Variants in EPHA3 observed in about 807,000 individuals in gnomAD.
The protein encoded by EPHA3 is EPH receptor A3.
Under a neutral mutation model 107.1 loss-of-function variants are expected in EPHA3, and 42 were observed. That is an observed-to-expected ratio of 0.39 (90% confidence interval 0.31 to 0.51). The LOEUF (loss-of-function observed/expected upper bound fraction) is 0.51, where lower values mean the gene tolerates loss of function less well. Among genes scored for constraint, EPHA3 ranks in the 20% least tolerant of loss-of-function variants. The pLI is 0.78. For synonymous variants in EPHA3, 461 were observed against 424.8 expected (o/e 1.09, Z -1.05); for missense variants, 1,183 against 1,211.2 (o/e 0.98, Z 0.35).
chr3:89,384,524 G>A (rs933421266), intron 5 of EPHA3, among the ~76,000 whole-genome samples: 2 of 152,042 alleles, frequency 1.3e-5, no homozygotes, highest in Admixed American at 6.5e-5. Context: ...TTTCTAAAAC[G>A]TTTAGGCTCT....
intron 5 of EPHA3, among the ~76,000 whole-genome samples, chr3:89,365,094 A>C (rs1708162483): frequency 6.6e-6 from 1 of 151,002 alleles, no homozygotes; most frequent in Admixed American, 6.6e-5. Flanking sequence ...TAGTTTGTGC[A>C]AAGAAAACAC....
chr3:89,107,836 G>A lies in EPHA3; in HGVS notation c.88G>A (p.Val30Ile). ...GELIPQPSNEVNLLDSKTIQG... is the reference protein window; with the variant it reads ...GELIPQPSNEINLLDSKTIQG... The stretch of plus-strand genomic sequence containing the variant: ...ACTGATTCCGCAGCCTTCCAATGAA[G>A]GTAAGCCAGGTACCGCGACGCACGG... The change falls in exon 1 of 17, where the codon GTC becomes ATC. Residue 30 changes from valine to isoleucine, a missense_variant and splice_region_variant. Transcript: ENST00000336596. 6.2e-7 allele frequency: 1 copy of A among 1,613,968 alleles called. No homozygotes were observed. The highest frequency in any genetic ancestry group is 8.5e-7 in the Non-Finnish European group (1 of 1,179,890).
intron 15 of EPHA3, among the ~76,000 whole-genome samples, chr3:89,460,618 T>C (rs1360648051): frequency 6.7e-6 from 1 of 149,044 alleles, no homozygotes; most frequent in African/African-American, 2.5e-5. Context: ...TAGAATTCTT[T>C]TTGAGAATAA....
Position 89,429,178 on chromosome 3 carries a change from T to G in EPHA3, c.2136+11T>G. 6.3e-7 allele frequency: 1 copy of G among 1,596,676 alleles called. No homozygotes were observed. The highest frequency in any genetic ancestry group is 1.1e-5 in the South Asian group (1 of 90,642). On this transcript the variant is annotated intron_variant, in intron 12 of 16. Coordinates refer to ENST00000336596, the MANE Select transcript of EPHA3 (RefSeq NM_005233.6). Reference sequence around the variant, plus strand: ...GATAGTTTCCTACGTGTAAGTAAGATGCACACACATACATATATATGAATA... The same window carrying G: ...GATAGTTTCCTACGTGTAAGTAAGAGGCACACACATACATATATATGAATA...
At chr3:89,440,861 T>C (rs1709768989) in intron 13 of EPHA3, among the ~76,000 whole-genome samples, 1 of 152,228 alleles carries the variant, frequency 6.6e-6, no homozygotes, top group African/African-American at 2.4e-5. Flanking sequence ...GTGACACCCA[T>C]GTGGATATGC....
intron 3 of EPHA3, among the ~76,000 whole-genome samples, chr3:89,211,591 A>G (rs1360445544): frequency 6.6e-6 from 1 of 152,014 alleles, no homozygotes; most frequent in Non-Finnish European, 1.5e-5. Context: ...GTCCTCTTTA[A>G]ATCTGGACAG....
intron 1 of EPHA3, among the ~76,000 whole-genome samples, chr3:89,113,257 G>T (rs1477713939): frequency 6.6e-6 from 1 of 151,988 alleles, no homozygotes; most frequent in Non-Finnish European, 1.5e-5. Flanking sequence ...AAGCAATATT[G>T]TGACATTTAT....
intron 3 of EPHA3, among the ~76,000 whole-genome samples, chr3:89,338,340 T>C (rs1707438622): frequency 6.6e-6 from 1 of 152,210 alleles, no homozygotes; most frequent in South Asian, 2.1e-4. Flanking sequence ...CTACTATCTA[T>C]GTATGATCTT....
intron 3 of EPHA3, among the ~76,000 whole-genome samples, chr3:89,235,388 A>T (rs1023213542): frequency 5.3e-5 from 8 of 152,214 alleles, no homozygotes; most frequent in Non-Finnish European, 7.3e-5. Flanking sequence ...CTAAGATCAG[A>T]TATATTTTAC....
At chr3:89,478,802 T>C (rs1290395609) in intron 16 of EPHA3, among the ~76,000 whole-genome samples, 1 of 152,190 alleles carries the variant, frequency 6.6e-6, no homozygotes, top group African/African-American at 2.4e-5. Flanking sequence ...ATTAGTTTCC[T>C]AAGGCTGCCA....
intron 3 of EPHA3, among the ~76,000 whole-genome samples, chr3:89,258,850 G>A (rs1207048218): frequency 6.6e-6 from 1 of 152,080 alleles, no homozygotes; most frequent in Non-Finnish European, 1.5e-5. Context: ...ACATTTTGGG[G>A]AGCAATGGAA....
At chr3:89,281,438 C>T (rs189656527) in intron 3 of EPHA3, among the ~76,000 whole-genome samples, 2 of 152,218 alleles carry the variant, frequency 1.3e-5, no homozygotes, top group South Asian at 4.1e-4. Context: ...ATGCAGCTCC[C>T]TTTGAAATGG....
rs1447792295 is a variant in EPHA3 at position 89,363,514 on chromosome 3, A to T, written c.1306+21424A>T. Among the ~76,000 whole-genome samples, 2 of 150,798 alleles carry T rather than the reference A, an allele frequency of 1.3e-5. 1 individual carries two copies. The highest frequency in any genetic ancestry group is 3.0e-5 in the Non-Finnish European group (2 of 67,374). The stretch of plus-strand genomic sequence containing the variant: ...GGACTGAATGAGGCCCACACACATT[A>T]TTGGAGTACAATCTGCTTTACTCAA... On this transcript the variant is annotated intron_variant, in intron 5 of 16. Transcript: ENST00000336596.
At position 89,342,225 on chromosome 3, in the gene EPHA3, A is replaced by T. The variant is rs1024794114; in HGVS notation, c.1306+135A>T. The T allele has an allele frequency of 2.4e-5, 16 of 670,960 alleles. No individual in the cohort carries two copies. The Admixed American group carries it at 4.5e-4, about 19-fold the overall frequency. The allele number at this position is 670,960 out of a possible 1,614,324, so 41.6% of individuals were successfully genotyped here. On this transcript the variant is annotated intron_variant, in intron 5 of 16. Transcript: ENST00000336596. ...GGATTTTGCCTTCTAACACATTTAAACAGTTATGGCACATTAAATAATTTA... is the reference window on the plus strand; with the variant it reads ...GGATTTTGCCTTCTAACACATTTAATCAGTTATGGCACATTAAATAATTTA...
At chr3:89,361,154 A>C (rs1708082770) in intron 5 of EPHA3, among the ~76,000 whole-genome samples, 1 of 151,098 alleles carries the variant, frequency 6.6e-6, no homozygotes, top group Non-Finnish European at 1.5e-5. Flanking sequence ...ACTACACTAA[A>C]ACAATTGGAA....
At chr3:89,345,827 T>C (rs938396827) in intron 5 of EPHA3, among the ~76,000 whole-genome samples, 1 of 125,408 alleles carries the variant, frequency 8.0e-6, no homozygotes, top group Admixed American at 9.4e-5. Context: ...CCATGTGATC[T>C]CATTGTTCAA....
chr3:89,190,243 A>G (rs1351016337), intron 2 of EPHA3, among the ~76,000 whole-genome samples: 1 of 152,172 alleles, frequency 6.6e-6, no homozygotes, highest in South Asian at 2.1e-4. Context: ...GACCGGTCTG[A>G]TGATAGTACT....
intron 3 of EPHA3, among the ~76,000 whole-genome samples, chr3:89,266,386 T>C (rs1362506251): frequency 6.6e-6 from 1 of 152,144 alleles, no homozygotes; most frequent in African/African-American, 2.4e-5. Context: ...CCAGCTTAGT[T>C]CCCAGGTAGC....
At chr3:89,239,042 C>T (rs1004808895) in intron 3 of EPHA3, among the ~76,000 whole-genome samples, 33 of 152,124 alleles carry the variant, frequency 2.2e-4, no homozygotes, top group Non-Finnish European at 1.3e-4. Context: ...CATTCCCATG[C>T]TCAAGAATAT....
Sources: gnomAD v4.1 joint callset for allele counts (sites outside exome capture counted in the v4.1 genomes callset) on GRCh38, gnomAD v4.1.1 for gene constraint, MANE v1.5 for transcripts, NCBI Gene and HGNC (gene_info 2026-07-23, HGNC 2026-07-21) for gene names.